Variants in ALS2CL observed in about 807,000 individuals in gnomAD.
ALS2CL encodes the protein ALS2 C-terminal like, also known as ALS2 C-terminal-like protein.
A neutral mutation model predicts 127.9 loss-of-function variants in ALS2CL; 112 were observed. The ratio of observed to expected loss-of-function variants is 0.88; its 90% confidence interval spans 0.75 to 1.02. The LOEUF is 1.02. ALS2CL is among the 50% of genes least tolerant of loss of function. The probability of loss-of-function intolerance (pLI) is 0.00; values close to 1 mark genes in which losing one functional copy is unlikely to be tolerated. For missense variants in ALS2CL, 1,174 were observed against 1,236.7 expected, an observed-to-expected ratio of 0.95 and a Z score of 0.76; for synonymous variants, 519 against 527.6, an observed-to-expected ratio of 0.98 and a Z score of 0.22.
At chr3:46,687,801 A>G in intron 3 of ALS2CL, 117 bp from the exon 4 acceptor site, 1 of 1,099,432 alleles carries the variant, frequency 9.1e-7, no homozygotes. Context: ...GAGGGCCCAC[A>G]CAGTGGCCTG....
In ALS2CL at chr3:46,679,249, A is replaced by C; in HGVS notation, c.1587T>G (p.Tyr529Ter). 1 of 1,586,556 alleles carries C rather than the reference A, an allele frequency of 6.3e-7. No homozygotes were observed. The highest frequency in any genetic ancestry group is 8.6e-7 in the Non-Finnish European group (1 of 1,165,824). ...GILLSEDDSL[Y>*]EGTFTRDLTL... Reference sequence around the variant, plus strand: ...TCAGGTCCCTGGTGAAGGTGCCCTCATACAGGGAGTCGTCTTCAGAGAGGA... The same window carrying C: ...TCAGGTCCCTGGTGAAGGTGCCCTCCTACAGGGAGTCGTCTTCAGAGAGGA... Residue 529 changes from tyrosine to a stop codon, truncating the protein, a stop_gained, in exon 15 of 26, where the codon TAT becomes TAG. Coordinates refer to ENST00000318962, the MANE Select transcript of ALS2CL (RefSeq NM_147129.5). LOFTEE classifies it high-confidence loss of function.
chr3:46,692,369 C>T (rs925410016), intron 1 of ALS2CL, among the ~76,000 whole-genome samples: 10 of 152,098 alleles, frequency 6.6e-5, no homozygotes, highest in African/African-American at 2.4e-4. Context: ...ACCCCTGTCC[C>T]ATCCCTAACC....
intron 1 of ALS2CL, among the ~76,000 whole-genome samples, chr3:46,690,356 C>A (rs1700081283): frequency 6.6e-6 from 1 of 152,256 alleles, no homozygotes; most frequent in African/African-American, 2.4e-5. Flanking sequence ...CAACCATCCA[C>A]CCTGAAGGGG....
rs1003008499 is a variant in ALS2CL at position 46,681,599 on chromosome 3, C to T, written c.1176-1G>A. The T allele has an allele frequency of 1.9e-6, 3 of 1,614,062 alleles. No homozygotes were observed. The highest frequency in any genetic ancestry group is 2.5e-6 in the Non-Finnish European group (3 of 1,179,974). On this transcript the variant is annotated splice_acceptor_variant, in intron 11 of 25. Coordinates refer to ENST00000318962, the MANE Select transcript of ALS2CL (RefSeq NM_147129.5). LOFTEE classifies it high-confidence loss of function. This position sits in a 1 kb window ranked among gnomAD's most constrained non-coding sequence, Gnocchi z 4.9. ...CTGGGGCAGCAGGCGGATGCCGAAG[C>T]TGACAGCATGGTTGTGGGGGTGGGG...
chr3:46,673,493 A>C, intron 21 of ALS2CL, 112 bp from the exon 22 acceptor site: 1 of 1,124,124 alleles, frequency 8.9e-7, no homozygotes, highest in Non-Finnish European at 1.3e-6. Flanking sequence ...GGGTCCTGAA[A>C]AGGGGAAGGA....
intron 16 of ALS2CL, 70 bp downstream of exon 16, chr3:46,678,189 C>T (rs1366630985): frequency 6.9e-7 from 1 of 1,456,908 alleles, no homozygotes; most frequent in Non-Finnish European, 9.2e-7. Flanking sequence ...CTGAGGAGAC[C>T]TGAGTCTTTG....
chr3:46,689,451 C>G lies in ALS2CL; in HGVS notation c.-11G>C, dbSNP rs200118566. ...CTCAGGGTTGCACATGGCCAGGTGC[C>G]GGACTCAGGGCCTCCTAGGTAGGGC... On this transcript the variant is annotated 5_prime_UTR_variant, in exon 2 of 26. Coordinates refer to ENST00000318962, the MANE Select transcript of ALS2CL (RefSeq NM_147129.5). The G allele has an allele frequency of 3.1e-6, 5 of 1,598,362 alleles. No individual in the cohort carries two copies. Among genetic ancestry groups the G allele is most frequent in the African/African-American group, 1.3e-5 (1 of 74,722 alleles).
chr3:46,693,001 G>C (rs1291957253), intron 1 of ALS2CL, among the ~76,000 whole-genome samples: 1 of 152,096 alleles, frequency 6.6e-6, no homozygotes, highest in Admixed American at 6.5e-5. Flanking sequence ...CAGCCCCTTC[G>C]TTGTCTGGTG....
intron 10 of ALS2CL, among the ~76,000 whole-genome samples, chr3:46,682,346 C>A (rs1699420334): frequency 6.6e-6 from 1 of 152,230 alleles, no homozygotes; most frequent in African/African-American, 2.4e-5. Context: ...CTGGAGACAT[C>A]TAGGTTCCCT....
intron 21 of ALS2CL, 77 bp downstream of exon 21, chr3:46,674,489 C>A (rs1294986849): frequency 9.7e-6 from 15 of 1,539,662 alleles, no homozygotes; most frequent in Non-Finnish European, 1.3e-5. Context: ...TCAACCCCAG[C>A]CCCACCTTTT....
At position 46,674,037 on chromosome 3, in the gene ALS2CL, G is replaced by T. The variant is rs190516488; in HGVS notation, c.2429+529C>A. Among the ~76,000 whole-genome samples, 6 of 152,282 alleles carry T rather than the reference G, an allele frequency of 3.9e-5. No individual in the cohort carries two copies. In the East Asian group the frequency reaches 1.2e-3, roughly 29 times the overall value. On this transcript the variant is annotated intron_variant, in intron 21 of 25. Coordinates refer to ENST00000318962, the MANE Select transcript of ALS2CL (RefSeq NM_147129.5). ...GAGGGTGGAAGGGAGGCCCTGGGGT[G>T]TGGTAAACACCTCCCGACATGCACC...
intron 19 of ALS2CL, 193 bp downstream of exon 19, chr3:46,676,052 C>T: frequency 1.4e-6 from 2 of 1,382,160 alleles, no homozygotes; most frequent in Non-Finnish European, 1.9e-6. Flanking sequence ...TAGCTGAGGG[C>T]TGCAGCTGGG....
intron 22 of ALS2CL, 37 bp downstream of exon 22, chr3:46,673,301 TG>T (rs1298706758): frequency 5.2e-6 from 8 of 1,538,134 alleles, no homozygotes; most frequent in Admixed American, 2.0e-5. Flanking sequence ...GCAGGACCTC[TG>T]GGGGCCCCTG....
rs1271047196 is a variant in ALS2CL, at chr3:46,676,630, C to T, written c.2028+12G>A. The T allele has an allele frequency of 1.2e-6, 2 of 1,612,220 alleles. No individual in the cohort carries two copies. The highest frequency in any genetic ancestry group is 1.3e-5 in the African/African-American group (1 of 74,898). ...AATGTCACCCCCTTGGCCACCCCAGCAGGGCTCTCACCTTCCTGAGGTACA... is the reference window on the plus strand; with the variant it reads ...AATGTCACCCCCTTGGCCACCCCAGTAGGGCTCTCACCTTCCTGAGGTACA... On this transcript the variant is annotated intron_variant, in intron 18 of 25. Transcript: ENST00000318962.
At chr3:46,672,503 C>G (rs1575405755) in intron 22 of ALS2CL, among the ~76,000 whole-genome samples, 1 of 152,208 alleles carries the variant, frequency 6.6e-6, no homozygotes, top group Non-Finnish European at 1.5e-5. Flanking sequence ...GTGCCTATGT[C>G]GATGGTTCTC....
chr3:46,688,403 G>T, intron 2 of ALS2CL, 107 bp from the exon 3 acceptor site: 2 of 1,080,794 alleles, frequency 1.9e-6, no homozygotes, highest in Non-Finnish European at 1.3e-6. Context: ...GCACCGGCCA[G>T]CCCTGGAGCT....
At chr3:46,671,462 C>G in intron 25 of ALS2CL, 26 bp downstream of exon 25, 1 of 1,613,506 alleles carries the variant, frequency 6.2e-7, no homozygotes, top group African/African-American at 1.3e-5. Context: ...GCATTTCCAC[C>G]TCGGTCCACA....
chr3:46,672,135 C>T lies in ALS2CL; in HGVS notation c.2534+5G>A, dbSNP rs763176763. On this transcript the variant is annotated splice_donor_5th_base_variant and intron_variant, in intron 23 of 25. Coordinates refer to ENST00000318962, the MANE Select transcript of ALS2CL (RefSeq NM_147129.5). ...GACCCCCAACCCACTACGGCTCACA[C>T]TCACATGATCTTCTGCAGGCACTCG... 6.2e-7 allele frequency: 1 copy of T among 1,614,194 alleles called. No homozygotes were observed. The highest frequency in any genetic ancestry group is 1.1e-5 in the South Asian group (1 of 91,082).
intron 1 of ALS2CL, among the ~76,000 whole-genome samples, chr3:46,692,977 A>G (rs1158944483): frequency 2.0e-5 from 3 of 151,930 alleles, no homozygotes; most frequent in East Asian, 3.9e-4. Flanking sequence ...AGGCTTTTTC[A>G]TGGGCTGCCG....
Sources: allele counts gnomAD v4.1 joint callset (sites outside exome capture counted in the v4.1 genomes callset), GRCh38; gene constraint gnomAD v4.1.1; non-coding constraint Gnocchi (gnomAD v3.1); transcripts MANE v1.5; gene names NCBI Gene and HGNC (gene_info 2026-07-23, HGNC 2026-07-21).